NCOA3: variants seen among roughly 807,000 people sequenced by gnomAD.
NCOA3 encodes the protein nuclear receptor coactivator 3, also known as CBP-interacting protein.
In NCOA3, 51 loss-of-function variants were observed where a neutral mutation model predicts 158.8. The ratio of observed to expected loss-of-function variants is 0.32; its 90% CI spans 0.26 to 0.41. The LOEUF (loss-of-function observed/expected upper bound fraction) is 0.41, where lower values mean the gene tolerates loss of function less well. Among genes scored for constraint, NCOA3 ranks in the 10% least tolerant of loss-of-function variants. The pLI, the probability that NCOA3 is intolerant of heterozygous loss-of-function variation, is 1.00. For missense variants in NCOA3, 1,510 were observed against 1,746.6 expected (o/e 0.86, Z 2.41); for synonymous variants, 537 against 592.4 (o/e 0.91, Z 1.36).
chr20:47,631,496 T>C (rs923950124), intron 8 of NCOA3: 6 of 152,252 alleles, frequency 3.9e-5, no homozygotes, highest in Admixed American at 6.5e-5. Flanking sequence ...CCATCTATTG[T>C]CATGAAACCT....
chr20:47,561,649 T>C (rs1044625782), intron 1 of NCOA3, among the ~76,000 whole-genome samples: 1 of 151,922 alleles, frequency 6.6e-6, no homozygotes, highest in African/African-American at 2.4e-5. Context: ...CAGTTTAAGG[T>C]TATAGGAAAA....
chr20:47,608,116 G>T (rs1379435235), intron 2 of NCOA3, among the ~76,000 whole-genome samples: 1 of 151,974 alleles, frequency 6.6e-6, no homozygotes, highest in African/African-American at 2.4e-5. Context: ...TTTGAGACTA[G>T]CCTGGCCAAC....
At chr20:47,523,586 C>A (rs147534948) in intron 1 of NCOA3, among the ~76,000 whole-genome samples, 1 of 152,178 alleles carries the variant, frequency 6.6e-6, no homozygotes, top group Non-Finnish European at 1.5e-5. Context: ...GGGTTGTAGC[C>A]ACTTGGAGCT....
chr20:47,529,276 GC>G (rs1179330500), intron 1 of NCOA3, among the ~76,000 whole-genome samples: 2 of 150,518 alleles, frequency 1.3e-5, no homozygotes, highest in African/African-American at 4.9e-5. Flanking sequence ...GCACCACCAT[GC>G]CCAGCTAATT....
Position 47,580,292 on chromosome 20 carries a change from C to T in NCOA3, c.-98-2891C>T, listed in dbSNP as rs184779996. Among the ~76,000 whole-genome samples, 11 of 152,000 alleles carry T rather than the reference C, an allele frequency of 7.2e-5. No homozygotes were observed. The East Asian group carries it at 7.7e-4, about 11-fold the overall frequency. ...CTCAAATTCCTTTCCTGGCCGGGCACGGTGGCTCATGCCTGTAATCCCAGC... is the reference window on the plus strand; with the variant it reads ...CTCAAATTCCTTTCCTGGCCGGGCATGGTGGCTCATGCCTGTAATCCCAGC... On this transcript the variant is annotated intron_variant, in intron 1 of 22. Coordinates refer to ENST00000371998, the MANE Select transcript of NCOA3 (RefSeq NM_181659.3).
intron 1 of NCOA3, among the ~76,000 whole-genome samples, chr20:47,536,017 T>C (rs1024963804): frequency 1.3e-5 from 2 of 152,102 alleles, no homozygotes; most frequent in African/African-American, 2.4e-5. Flanking sequence ...GTTCTGCTCC[T>C]CTGTTCCTCT....
intron 16 of NCOA3, among the ~76,000 whole-genome samples, chr20:47,641,048 A>G (rs1300544196): frequency 6.6e-6 from 1 of 152,236 alleles, no homozygotes; most frequent in Admixed American, 6.5e-5. Flanking sequence ...ACAGTGATGT[A>G]ACTATATGAA....
intron 1 of NCOA3, among the ~76,000 whole-genome samples, chr20:47,539,431 G>C (rs533949845): frequency 6.6e-6 from 1 of 152,320 alleles, no homozygotes; most frequent in African/African-American, 2.4e-5. Flanking sequence ...TATATCCTTA[G>C]TGCTCAGAAT....
chr20:47,585,095 AGGCTGGAGTGCAGTGGTGTGATCTC>A (rs1374300549), intron 2 of NCOA3, among the ~76,000 whole-genome samples: 1 of 118,060 alleles, frequency 8.5e-6, no homozygotes, highest in African/African-American at 3.5e-5. Flanking sequence ...TCTGTCACCC[AGGCTGGAGTGCAGTGGTGTGATCTC>A]GGCTTACTGC....
At chr20:47,516,227 T>C (rs1291985039) in intron 1 of NCOA3, among the ~76,000 whole-genome samples, 1 of 152,098 alleles carries the variant, frequency 6.6e-6, no homozygotes, top group East Asian at 1.9e-4. Context: ...TACAAATGTA[T>C]CAAGATGGTG....
chr20:47,593,486 C>G (rs1270003699), intron 2 of NCOA3, among the ~76,000 whole-genome samples: 2 of 151,488 alleles, frequency 1.3e-5, no homozygotes, highest in Admixed American at 1.3e-4. Flanking sequence ...CGACTACAGG[C>G]GCCCGCCACC....
chr20:47,519,509 C>A (rs1467866909), intron 1 of NCOA3, among the ~76,000 whole-genome samples: 1 of 152,018 alleles, frequency 6.6e-6, no homozygotes, highest in Non-Finnish European at 1.5e-5. Context: ...ATGGGCCCAA[C>A]AACTAGACTA....
At chr20:47,572,148 C>T (rs1022821677) in intron 1 of NCOA3, among the ~76,000 whole-genome samples, 2 of 152,208 alleles carry the variant, frequency 1.3e-5, no homozygotes, top group Non-Finnish European at 2.9e-5. Context: ...GAGTTATGGT[C>T]TTGCTTTGGC....
At chr20:47,645,944 C>T (rs2086679166) in intron 17 of NCOA3, among the ~76,000 whole-genome samples, 1 of 152,082 alleles carries the variant, frequency 6.6e-6, no homozygotes, top group Admixed American at 6.5e-5. Flanking sequence ...TTGGTGGTCA[C>T]ACGTGTTTAC....
At chr20:47,585,403 C>T (rs1012576126) in intron 2 of NCOA3, among the ~76,000 whole-genome samples, 5 of 152,106 alleles carry the variant, frequency 3.3e-5, no homozygotes, top group Admixed American at 6.6e-5. Context: ...AAAAAGCTGT[C>T]TAGTTGCCGA....
chr20:47,546,472 G>A (rs954483096), intron 1 of NCOA3, among the ~76,000 whole-genome samples: 4 of 151,410 alleles, frequency 2.6e-5, no homozygotes, highest in East Asian at 1.9e-4. Context: ...TATTTCACCC[G>A]GAGTAGAAAT....
intron 2 of NCOA3, among the ~76,000 whole-genome samples, chr20:47,591,034 C>T (rs2085625817): frequency 6.6e-6 from 1 of 151,368 alleles, no homozygotes; most frequent in African/African-American, 2.4e-5. Flanking sequence ...ACTTGAACCC[C>T]AGGGGGCAGA....
chr20:47,525,838 C>T (rs1356511883), intron 1 of NCOA3, among the ~76,000 whole-genome samples: 3 of 80,320 alleles, frequency 3.7e-5, no homozygotes, highest in South Asian at 8.4e-4. Flanking sequence ...TAGGGGCGGC[C>T]GGGCAGAGGT....
intron 1 of NCOA3, among the ~76,000 whole-genome samples, chr20:47,506,729 G>A (rs1374184419): frequency 6.6e-6 from 1 of 151,626 alleles, no homozygotes; most frequent in African/African-American, 2.4e-5. Context: ...TGTCTATTTT[G>A]TTTGGCTTTT....
Sources: gnomAD v4.1 joint callset for allele counts (sites outside exome capture counted in the v4.1 genomes callset) on GRCh38, gnomAD v4.1.1 for gene constraint, MANE v1.5 for transcripts, NCBI Gene and HGNC (gene_info 2026-07-23, HGNC 2026-07-21) for gene names.